Variants in ARK2C observed in about 807,000 individuals in gnomAD.
ARK2C encodes arkadia (RNF111) C-terminal like ring finger ubiquitin ligase 2C, also known as E3 ubiquitin-protein ligase ARK2C.
chr18:46,394,695 AC>A, the ARK2C span, among the ~76,000 whole-genome samples: 20 of 152,062 alleles, frequency 1.3e-4, no homozygotes, highest in East Asian at 3.9e-3. Context: ...GCTCTGATAG[AC>A]TCCTCCAAAC....
chr18:46,351,279 A>G, the ARK2C span, among the ~76,000 whole-genome samples: 4,852 of 152,150 alleles, frequency 0.032, 259 homozygotes, highest in African/African-American at 0.11. Flanking sequence ...GGAGCTCGGG[A>G]CTTCCCTCCA....
At chr18:46,419,659 C>T in the ARK2C span, among the ~76,000 whole-genome samples, 1 of 152,182 alleles carries the variant, frequency 6.6e-6, no homozygotes, top group East Asian at 1.9e-4. Context: ...ACCAGGCCTA[C>T]CTGGGGAAGG....
At chr18:46,392,285 C>T in the ARK2C span, among the ~76,000 whole-genome samples, 1 of 152,366 alleles carries the variant, frequency 6.6e-6, no homozygotes. Context: ...TGCCCAAAGA[C>T]ACCTGGATGC....
chr18:46,370,957 A>T, the ARK2C span, among the ~76,000 whole-genome samples: 3 of 152,220 alleles, frequency 2.0e-5, no homozygotes, highest in Non-Finnish European at 2.9e-5. Flanking sequence ...CTGCTAATAA[A>T]GACGTACGCG....
the ARK2C span, among the ~76,000 whole-genome samples, chr18:46,427,888 TG>T: frequency 1.3e-5 from 2 of 151,922 alleles, no homozygotes; most frequent in Admixed American, 6.6e-5. Context: ...CTGGGGCTGG[TG>T]GGCAGGGTGG....
chr18:46,433,520 G>A, the ARK2C span: 12 of 1,579,032 alleles, frequency 7.6e-6, no homozygotes, highest in South Asian at 1.4e-4. Context: ...GTGCTGCCTG[G>A]GGCGGAGGTG....
At chr18:46,403,218 G>A in the ARK2C span, among the ~76,000 whole-genome samples, 1 of 152,106 alleles carries the variant, frequency 6.6e-6, no homozygotes, top group African/African-American at 2.4e-5. Context: ...TCTGGCACCT[G>A]GCAAAATGTC....
the ARK2C span, among the ~76,000 whole-genome samples, chr18:46,450,975 A>G: frequency 1.4e-4 from 22 of 152,158 alleles, no homozygotes; most frequent in Non-Finnish European, 2.6e-4. Context: ...TTTCTGTGCC[A>G]GGTGTGGCCA....
chr18:46,382,575 C>G, the ARK2C span, among the ~76,000 whole-genome samples: 1 of 152,174 alleles, frequency 6.6e-6, no homozygotes, highest in East Asian at 1.9e-4. Context: ...ACCCTACCTG[C>G]CCCATGAATC....
chr18:46,430,076 T>A, the ARK2C span, among the ~76,000 whole-genome samples: 22 of 152,238 alleles, frequency 1.4e-4, 1 homozygote, highest in Admixed American at 1.4e-3. Context: ...TCCACCTCTG[T>A]CAGGTGCAGC....
chr18:46,452,888 C>G, the ARK2C span, among the ~76,000 whole-genome samples: 1 of 152,116 alleles, frequency 6.6e-6, no homozygotes, highest in South Asian at 2.1e-4. Context: ...GCTTTTCTGG[C>G]CCCTCCCTGT....
chr18:46,405,573 C>A, the ARK2C span, among the ~76,000 whole-genome samples: 10 of 152,136 alleles, frequency 6.6e-5, no homozygotes, highest in South Asian at 1.5e-3. Context: ...AAGGAGACAG[C>A]GCAAGAGGAA....
the ARK2C span, among the ~76,000 whole-genome samples, chr18:46,381,973 C>T: frequency 1.3e-5 from 2 of 152,182 alleles, no homozygotes; most frequent in African/African-American, 2.4e-5. Flanking sequence ...CCTCCCTTCT[C>T]TTAGGTCTCA....
the ARK2C span, among the ~76,000 whole-genome samples, chr18:46,348,190 C>T: frequency 8.1e-6 from 1 of 124,168 alleles, no homozygotes; most frequent in South Asian, 2.6e-4. Context: ...ACTGGTTGCC[C>T]AGGAAGGGGT....
the ARK2C span, among the ~76,000 whole-genome samples, chr18:46,343,632 C>T: frequency 6.0e-4 from 92 of 152,356 alleles, no homozygotes; most frequent in African/African-American, 2.1e-3. Flanking sequence ...ACTTCACTGC[C>T]TATCTGCCAA....
At chr18:46,400,892 A>C in the ARK2C span, among the ~76,000 whole-genome samples, 1 of 152,112 alleles carries the variant, frequency 6.6e-6, no homozygotes, top group African/African-American at 2.4e-5. Flanking sequence ...GACATTTACC[A>C]CTTACCCCCT....
the ARK2C span, among the ~76,000 whole-genome samples, chr18:46,416,891 G>C: frequency 6.6e-6 from 1 of 152,198 alleles, no homozygotes; most frequent in Non-Finnish European, 1.5e-5. Flanking sequence ...CCTTCTATTG[G>C]CCTAAGCCAG....
chr18:46,447,565 A>G, the ARK2C span: 1 of 1,613,980 alleles, frequency 6.2e-7, no homozygotes, highest in Non-Finnish European at 8.5e-7. Flanking sequence ...CCCTGCAGGG[A>G]TCTCAGTGTG....
At chr18:46,436,611 A>G in the ARK2C span, among the ~76,000 whole-genome samples, 5 of 152,178 alleles carry the variant, frequency 3.3e-5, no homozygotes, top group South Asian at 4.1e-4. Flanking sequence ...ATTCCAGAGA[A>G]TAGTTCCAGT....
Sources: gnomAD v4.1 joint callset for allele counts (sites outside exome capture counted in the v4.1 genomes callset) on GRCh38, gnomAD v4.1.1 for gene constraint, MANE v1.5 for transcripts, NCBI Gene and HGNC (gene_info 2026-07-23, HGNC 2026-07-21) for gene names.